Variants in MEOX2 observed in about 807,000 individuals in gnomAD.
The protein encoded by MEOX2 is mesenchyme homeobox 2.
In MEOX2, 11 loss-of-function variants were observed where a neutral mutation model predicts 27.0. That is an observed-to-expected ratio of 0.41 (90% CI 0.26 to 0.68). The LOEUF (loss-of-function observed/expected upper bound fraction) is 0.68. MEOX2 is among the 30% of genes least tolerant of loss of function. The pLI is 0.33. For synonymous variants in MEOX2, 189 were observed against 155.4 expected, an observed-to-expected ratio of 1.22 and a Z score of -1.61; for missense variants, 436 against 385.4, an observed-to-expected ratio of 1.13 and a Z score of -1.10.
intron 1 of MEOX2, among the ~76,000 whole-genome samples, chr7:15,630,713 T>C (rs1187372934): frequency 6.6e-6 from 1 of 151,960 alleles, no homozygotes; most frequent in Non-Finnish European, 1.5e-5. Context: ...CACAAACCCA[T>C]AGTTATGGAA....
chr7:15,640,360 T>G (rs1009549309), intron 1 of MEOX2, among the ~76,000 whole-genome samples: 3 of 152,040 alleles, frequency 2.0e-5, no homozygotes, highest in Non-Finnish European at 4.4e-5. Flanking sequence ...ATGAAATTGA[T>G]TTTTATACAT....
intron 1 of MEOX2, among the ~76,000 whole-genome samples, chr7:15,630,397 G>A (rs1424763401): frequency 6.6e-6 from 1 of 152,040 alleles, no homozygotes; most frequent in Non-Finnish European, 1.5e-5. Flanking sequence ...TAATGGGAGG[G>A]CTTGGTCTGT....
intron 1 of MEOX2, among the ~76,000 whole-genome samples, chr7:15,656,291 G>A (rs1255448052): frequency 2.6e-5 from 4 of 151,780 alleles, no homozygotes; most frequent in African/African-American, 7.2e-5. Flanking sequence ...GGTTCATGAA[G>A]TTTTTTAAAC....
intron 1 of MEOX2, among the ~76,000 whole-genome samples, chr7:15,631,208 T>G (rs375861745): frequency 6.6e-6 from 1 of 151,642 alleles, no homozygotes; most frequent in African/African-American, 2.4e-5. Flanking sequence ...ATAATTATTA[T>G]TGTGATAGTT....
At chr7:15,672,161 T>A (rs1326932221) in intron 1 of MEOX2, among the ~76,000 whole-genome samples, 1 of 152,226 alleles carries the variant, frequency 6.6e-6, no homozygotes, top group East Asian at 1.9e-4. Flanking sequence ...TATTTTTTAT[T>A]TTCAAATCAC....
chr7:15,681,563 T>C (rs1482216799), intron 1 of MEOX2: 1 of 151,848 alleles, frequency 6.6e-6, no homozygotes, highest in African/African-American at 2.4e-5. Context: ...CATTTTCTGA[T>C]ATTTCATTTT....
chr7:15,650,091 A>T (rs1583767818), intron 1 of MEOX2, among the ~76,000 whole-genome samples: 2 of 152,200 alleles, frequency 1.3e-5, no homozygotes, highest in East Asian at 3.9e-4. Flanking sequence ...TCACCAGTCC[A>T]GCTCTTCTAA....
chr7:15,679,266 T>G (rs1212138125), intron 1 of MEOX2: 1 of 152,102 alleles, frequency 6.6e-6, no homozygotes, highest in Non-Finnish European at 1.5e-5. Flanking sequence ...AACGTGTGTT[T>G]TAAGTATAGC....
intron 1 of MEOX2, chr7:15,677,413 T>C (rs1782214131): frequency 6.6e-6 from 1 of 152,202 alleles, no homozygotes; most frequent in Non-Finnish European, 1.5e-5. Flanking sequence ...CCCTAACTAT[T>C]GTGTTCTCCC....
At chr7:15,650,417 T>C (rs1781716857) in intron 1 of MEOX2, among the ~76,000 whole-genome samples, 1 of 152,116 alleles carries the variant, frequency 6.6e-6, no homozygotes, top group Non-Finnish European at 1.5e-5. Context: ...CACTTAATTT[T>C]TTACCTACCT....
intron 1 of MEOX2, among the ~76,000 whole-genome samples, chr7:15,640,599 C>T (rs1406588102): frequency 6.6e-6 from 1 of 152,044 alleles, no homozygotes; most frequent in Non-Finnish European, 1.5e-5. Context: ...TACTTTTCTT[C>T]TTTCAGTTAT....
chr7:15,625,245 C>T (rs189439229), intron 2 of MEOX2, among the ~76,000 whole-genome samples: 142 of 152,130 alleles, frequency 9.3e-4, no homozygotes, highest in Non-Finnish European at 1.6e-3. Flanking sequence ...TTTCCGTTCC[C>T]TGTTTAAAAA....
intron 1 of MEOX2, among the ~76,000 whole-genome samples, chr7:15,646,732 A>G (rs1388598140): frequency 6.6e-6 from 1 of 151,970 alleles, no homozygotes; most frequent in African/African-American, 2.4e-5. Context: ...AATATTTGTC[A>G]CTTAAAAAAT....
At chr7:15,667,332 A>G (rs1349186981) in intron 1 of MEOX2, among the ~76,000 whole-genome samples, 1 of 143,916 alleles carries the variant, frequency 6.9e-6, no homozygotes, top group Non-Finnish European at 1.5e-5. Context: ...AAGAGGTGAG[A>G]GGAGTTGAGG....
intron 1 of MEOX2, among the ~76,000 whole-genome samples, chr7:15,638,744 T>C (rs1247905313): frequency 2.6e-5 from 4 of 152,116 alleles, no homozygotes; most frequent in Non-Finnish European, 5.9e-5. Flanking sequence ...ATTTCATTTC[T>C]TTCTGAGTTA....
intron 2 of MEOX2, among the ~76,000 whole-genome samples, chr7:15,622,579 A>G (rs1562595966): frequency 6.6e-6 from 1 of 152,196 alleles, no homozygotes; most frequent in Non-Finnish European, 1.5e-5. Context: ...AATAAGTCTT[A>G]AAGAATGAAT....
intron 1 of MEOX2, chr7:15,681,660 T>C (rs1166574073): frequency 6.6e-6 from 1 of 151,760 alleles, no homozygotes; most frequent in Admixed American, 6.6e-5. Context: ...GGTCTATGTT[T>C]TGAAACACAG....
intron 1 of MEOX2, among the ~76,000 whole-genome samples, chr7:15,657,597 T>A (rs1781844267): frequency 6.6e-6 from 1 of 152,208 alleles, no homozygotes. Flanking sequence ...GATGTTCTAT[T>A]TTTTCATTTG....
chr7:15,629,836 C>T (rs1335090122), intron 1 of MEOX2, among the ~76,000 whole-genome samples: 1 of 152,046 alleles, frequency 6.6e-6, no homozygotes, highest in Non-Finnish European at 1.5e-5. Context: ...ACTGCCATTA[C>T]CCAGCTAGAC....
Sources: allele counts gnomAD v4.1 joint callset (sites outside exome capture counted in the v4.1 genomes callset), GRCh38; gene constraint gnomAD v4.1.1; transcripts MANE v1.5; gene names NCBI Gene and HGNC (gene_info 2026-07-23, HGNC 2026-07-21).